NLRP9: variants seen among roughly 807,000 people sequenced by gnomAD.
The protein encoded by NLRP9 is NACHT, LRR and PYD domains-containing protein 9.
A neutral mutation model predicts 83.1 loss-of-function variants in NLRP9; 88 were observed. That is an observed-to-expected ratio of 1.06 (90% confidence interval 0.89 to 1.26). The LOEUF is 1.26. Ranked by LOEUF, NLRP9 falls within the 50% of genes most tolerant of loss-of-function variation. NLRP9 has a pLI of 0.00. For synonymous variants in NLRP9, 521 were observed against 447.6 expected, an observed-to-expected ratio of 1.16 and a Z score of -2.07; for missense variants, 1,308 against 1,179.3, an observed-to-expected ratio of 1.11 and a Z score of -1.60.
chr19:55,716,108 T>C (rs1439060368), intron 5 of NLRP9, among the ~76,000 whole-genome samples: 5 of 152,226 alleles, frequency 3.3e-5, no homozygotes. Context: ...TATACTTCGC[T>C]GAGAGTTGAT....
In NLRP9 at chr19:55,712,626, A is replaced by G. The variant is rs1358654457; in HGVS notation, c.2502-36T>C. The G allele has an allele frequency of 2.5e-6, 4 of 1,585,226 alleles. No homozygotes were observed. In the African/African-American group the frequency reaches 4.1e-5, roughly 16 times the overall value. ...GGAAGACACACAAATACGTACACTT[A>G]TGAGGTCAATCATAACAGCCCACCT... On this transcript the variant is annotated intron_variant, in intron 6 of 8. Transcript: ENST00000332836.
intron 6 of NLRP9, among the ~76,000 whole-genome samples, chr19:55,714,504 T>C (rs941090374): frequency 6.6e-6 from 1 of 152,064 alleles, no homozygotes; most frequent in African/African-American, 2.4e-5. Flanking sequence ...ACCCAACTCC[T>C]GAGTCCCCTG....
chr19:55,725,581 C>A (rs781341056), intron 3 of NLRP9, among the ~76,000 whole-genome samples: 11 of 152,078 alleles, frequency 7.2e-5, no homozygotes, highest in Non-Finnish European at 1.5e-4. Context: ...GCGGAGTGAT[C>A]CCCTAAATGT....
intron 6 of NLRP9, 121 bp from the exon 7 acceptor site, chr19:55,712,711 G>C: frequency 1.3e-6 from 1 of 781,924 alleles, no homozygotes; most frequent in Admixed American, 2.4e-5. Context: ...TGATGAGGAG[G>C]GTGGGGAGGG....
chr19:55,723,035 T>C (rs1421734638), intron 4 of NLRP9, among the ~76,000 whole-genome samples: 3 of 152,052 alleles, frequency 2.0e-5, no homozygotes, highest in East Asian at 1.9e-4. Context: ...TTAGGAGATA[T>C]ACCTAATGTA....
At chr19:55,714,993 C>G in intron 6 of NLRP9, 62 bp downstream of exon 6, 2 of 1,473,290 alleles carry the variant, frequency 1.4e-6, no homozygotes, top group Non-Finnish European at 1.8e-6. Flanking sequence ...TATGTCTTTC[C>G]TAGAGCCACA....
intron 3 of NLRP9, among the ~76,000 whole-genome samples, chr19:55,724,839 C>T (rs1988351227): frequency 6.6e-6 from 1 of 152,160 alleles, no homozygotes; most frequent in Admixed American, 6.5e-5. Flanking sequence ...AGGCAGATCA[C>T]ATGAGGTCAG....
At chr19:55,731,544 T>C (rs1263030682) in intron 2 of NLRP9, among the ~76,000 whole-genome samples, 1 of 151,666 alleles carries the variant, frequency 6.6e-6, no homozygotes, top group Non-Finnish European at 1.5e-5. Flanking sequence ...GCTAACATGG[T>C]GAAACCCTGT....
In NLRP9 at chr19:55,732,492, A is replaced by C; in HGVS notation, c.1339T>G (p.Cys447Gly). 6.2e-7 allele frequency: 1 copy of C among 1,614,232 alleles called. No individual in the cohort carries two copies. Among genetic ancestry groups the C allele is most frequent in the Non-Finnish European group, 8.5e-7 (1 of 1,180,026 alleles). The stretch of plus-strand genomic sequence containing the variant: ...ATGGCGGCACAAAACTCTTGGATAC[A>C]CAGATGCATGAAGGCAAAACAGTCC... ...RGDCFAFMHL[C>G]IQEFCAAMFY... Residue 447 changes from cysteine (C) to glycine (G), a missense_variant, in exon 2 of 9, where the codon TGT becomes GGT. Transcript: ENST00000332836.
At chr19:55,714,973 A>G in intron 6 of NLRP9, 82 bp downstream of exon 6, 1 of 1,309,924 alleles carries the variant, frequency 7.6e-7, no homozygotes, top group Admixed American at 2.1e-5. Context: ...ATGCTAGCAT[A>G]TCCCTTTCCT....
intron 5 of NLRP9, among the ~76,000 whole-genome samples, chr19:55,716,507 C>T (rs908531472): frequency 6.6e-6 from 1 of 152,106 alleles, no homozygotes; most frequent in Non-Finnish European, 1.5e-5. Context: ...GATCCTCCCG[C>T]CTCAGCTTCT....
At chr19:55,715,426 T>C (rs1987971861) in intron 5 of NLRP9, among the ~76,000 whole-genome samples, 2 of 152,192 alleles carry the variant, frequency 1.3e-5, no homozygotes, top group African/African-American at 4.8e-5. Flanking sequence ...GCCTCACGCC[T>C]GTCATCCCAG....
rs571091020 is a variant in NLRP9, at chr19:55,723,868, C to G, written c.2159+112G>C. On this transcript the variant is annotated intron_variant, in intron 4 of 8. Coordinates refer to ENST00000332836, the MANE Select transcript of NLRP9 (RefSeq NM_176820.4). The stretch of plus-strand genomic sequence containing the variant: ...AGAGACAGATTCAAAAGATGAAAAA[C>G]AAGAGAGATGAAGGCTGATGCAATG... 4 of 779,692 alleles carry G rather than the reference C, an allele frequency of 5.1e-6. No individual in the cohort carries two copies. In the African/African-American group the frequency reaches 7.0e-5, roughly 14 times the overall value. The allele number at this position is 779,692 out of a possible 1,614,324, so 48.3% of individuals were successfully genotyped here.
chr19:55,713,645 C>A, intron 6 of NLRP9, among the ~76,000 whole-genome samples: 1 of 121,484 alleles, frequency 8.2e-6, no homozygotes, highest in Admixed American at 7.8e-5. Flanking sequence ...CTCCTCTCCC[C>A]TCTCCCTCCC....
chr19:55,716,927 GA>G, intron 4 of NLRP9, 29 bp from the exon 5 acceptor site: 2 of 1,596,958 alleles, frequency 1.3e-6, no homozygotes, highest in South Asian at 1.1e-5. Flanking sequence ...CCATGAGACG[GA>G]CCAAAGCTTT....
intron 8 of NLRP9, among the ~76,000 whole-genome samples, chr19:55,710,267 T>TG (rs1234055412): frequency 6.6e-6 from 1 of 152,142 alleles, no homozygotes; most frequent in African/African-American, 2.4e-5. Flanking sequence ...CCTGTCCCTA[T>TG]GGGGACTGGG....
rs879407648 is a variant in NLRP9 at position 55,729,177 on chromosome 19, A to C, written c.1994+654T>G. On this transcript the variant is annotated intron_variant, in intron 3 of 8. Coordinates refer to ENST00000332836, the MANE Select transcript of NLRP9 (RefSeq NM_176820.4). The stretch of plus-strand genomic sequence containing the variant: ...CACATCCAAGCAAAGGTCATCCCTA[A>C]CCAGGACTGCTCGCTCTCTGGCCCT... 9.3e-5 allele frequency among the ~76,000 whole-genome samples: 14 copies of C among 150,166 alleles called. No homozygotes were observed. The Admixed American group carries it at 9.4e-4, about 10-fold the overall frequency.
At position 55,712,539 on chromosome 19, in the gene NLRP9, A is replaced by G; in HGVS notation, c.2553T>C (p.Val851=). ...TSDSCKDIAA[V]LICNGKLKTL... is the part of the protein sequence containing the mutation. ...TCTTCAGTTTCCCATTGCAAATAAG[A>G]ACAGCAGCAATGTCCTTACAGGAAT... is the stretch of plus-strand genomic sequence containing the variant. The change falls in exon 7 of 9, where the codon GTT becomes GTC. Residue 851 remains valine, a synonymous_variant. Transcript: ENST00000332836. 4 of 1,612,608 alleles carry G rather than the reference A, an allele frequency of 2.5e-6. No individual in the cohort carries two copies. The highest frequency in any genetic ancestry group is 3.4e-6 in the Non-Finnish European group (4 of 1,179,822).
intron 4 of NLRP9, among the ~76,000 whole-genome samples, chr19:55,718,109 A>G (rs187009404): frequency 1.3e-5 from 2 of 152,328 alleles, no homozygotes; most frequent in East Asian, 3.9e-4. Context: ...CTTGTTAACC[A>G]TATGTTTGCA....
Sources: gnomAD v4.1 joint callset for allele counts (sites outside exome capture counted in the v4.1 genomes callset) on GRCh38, gnomAD v4.1.1 for gene constraint, MANE v1.5 for transcripts, NCBI Gene and HGNC (gene_info 2026-07-23, HGNC 2026-07-21) for gene names.